SBNO2: variants seen among roughly 807,000 people sequenced by gnomAD.
The protein encoded by SBNO2 is protein strawberry notch homolog 2.
A neutral mutation model predicts 146.3 loss-of-function variants in SBNO2; 89 were observed. The observed-to-expected ratio is 0.61, with a 90% CI of 0.51 to 0.73. The LOEUF (loss-of-function observed/expected upper bound fraction) is 0.73, where lower values mean the gene tolerates loss of function less well. Ranked by LOEUF, SBNO2 falls within the 30% of genes least tolerant of loss-of-function variation. The pLI is 0.00. For missense variants in SBNO2, 2,092 were observed against 2,003.7 expected, an observed-to-expected ratio of 1.04 and a Z score of -0.84; for synonymous variants, 1,147 against 892.6, an observed-to-expected ratio of 1.29 and a Z score of -5.08.
At chr19:1,123,742 G>C in intron 6 of SBNO2, 103 bp from the exon 7 acceptor site, 5 of 1,235,662 alleles carry the variant, frequency 4.0e-6, no homozygotes, top group Non-Finnish European at 5.7e-6. Flanking sequence ...GCAGCTGAGT[G>C]ACCCAGGGGT....
chr19:1,122,606 C>CCCCCA, intron 9 of SBNO2, 48 bp from the exon 10 acceptor site: 1 of 1,460,346 alleles, frequency 6.8e-7, no homozygotes, highest in Non-Finnish European at 9.1e-7. Flanking sequence ...CCTCGCCCCC[C>CCCCCA]GCTTCCGCCC....
In SBNO2 at chr19:1,108,786, C is replaced by G; in HGVS notation, c.3609G>C (p.Lys1203Asn). 6.2e-7 allele frequency: 1 copy of G among 1,602,780 alleles called. No homozygotes were observed. The highest frequency in any genetic ancestry group is 8.5e-7 in the Non-Finnish European group (1 of 1,178,886). ...CGCCCGCCGCCCACTCACCCACTTGCTTCTTCCTGTCCTTGGTCTTCAGCC... is the reference window on the plus strand; with the variant it reads ...CGCCCGCCGCCCACTCACCCACTTGGTTCTTCCTGTCCTTGGTCTTCAGCC... ...IVRLKTKDRKKQVGIKIPEGC... is the reference protein window; with the variant it reads ...IVRLKTKDRKNQVGIKIPEGC... Residue 1203 changes from lysine (K) to asparagine (N), a missense_variant, in exon 31 of 32, where the codon AAG becomes AAC. Coordinates refer to ENST00000361757, the MANE Select transcript of SBNO2 (RefSeq NM_014963.3).
At chr19:1,167,862 T>C (rs1310534664) in intron 1 of SBNO2, among the ~76,000 whole-genome samples, 1 of 152,148 alleles carries the variant, frequency 6.6e-6, no homozygotes, top group African/African-American at 2.4e-5. Context: ...AGCCGGCCAC[T>C]GAGTACGGGA....
chr19:1,111,628 G>T lies in SBNO2; in HGVS notation c.2701-14C>A, dbSNP rs763109163. On this transcript the variant is annotated splice_polypyrimidine_tract_variant and intron_variant, in intron 23 of 31. Transcript: ENST00000361757. The stretch of plus-strand genomic sequence containing the variant: ...CCGGGTGCCATACTAGGGGGAGAAG[G>T]TGACTCGGGGAGGAGGCCCAGGGAG... 2 of 1,559,294 alleles carry T rather than the reference G, an allele frequency of 1.3e-6. 1 individual carries two copies. The highest frequency in any genetic ancestry group is 3.8e-5 in the Admixed American group (2 of 52,922).
At chr19:1,160,131 G>C (rs536000246) in intron 1 of SBNO2, among the ~76,000 whole-genome samples, 1 of 152,286 alleles carries the variant, frequency 6.6e-6, no homozygotes, top group Non-Finnish European at 1.5e-5. Flanking sequence ...GGCAGCTTGC[G>C]CCTGGCACCT....
chr19:1,133,691 G>A (rs182542377), intron 4 of SBNO2, among the ~76,000 whole-genome samples: 1 of 151,828 alleles, frequency 6.6e-6, no homozygotes, highest in Non-Finnish European at 1.5e-5. Flanking sequence ...CCACGGAGCC[G>A]CTCAATCCGG....
At position 1,157,886 on chromosome 19, in the gene SBNO2, A is replaced by G. The variant is rs868811294; in HGVS notation, c.-126-3484T>C. On this transcript the variant is annotated intron_variant, in intron 1 of 31. Transcript: ENST00000361757. This position sits in a 1 kb window ranked among gnomAD's most constrained non-coding sequence, Gnocchi z 6.8. ...GTCCGGGTAACTGCATCTGCCTCCC[A>G]GCTCTCTCTCCTGAGTCCGGATAAC... 9.7e-5 allele frequency among the ~76,000 whole-genome samples: 12 copies of G among 123,632 alleles called. No individual in the cohort carries two copies. Among genetic ancestry groups the G allele is most frequent in the Non-Finnish European group, 1.7e-4 (9 of 54,400 alleles). The allele number at this position is 123,632 out of a possible 152,430, so 81.1% of individuals were successfully genotyped here.
rs560365421 is a variant in SBNO2 at position 1,123,147 on chromosome 19, C to T, written c.629-102G>A. 3.8e-4 allele frequency: 520 copies of T among 1,382,338 alleles called. 3 individuals carry two copies. The highest frequency in any genetic ancestry group is 3.3e-3 in the Middle Eastern group (13 of 3,990). 85.6% of individuals were successfully genotyped at this position (1,382,338 alleles called of 1,614,324 possible). A position where few individuals can be genotyped will look rare whatever the true frequency, so the allele number is the denominator to read the frequency against. On this transcript the variant is annotated intron_variant, in intron 7 of 31. Coordinates refer to ENST00000361757, the MANE Select transcript of SBNO2 (RefSeq NM_014963.3). ...GGGTCTGGGGCGTGGCCAGAGCTGG[C>T]GGGGCAGTTTGGGGGCGTGGCCAGG...
At chr19:1,149,984 G>T (rs931342961) in intron 2 of SBNO2, among the ~76,000 whole-genome samples, 2 of 152,194 alleles carry the variant, frequency 1.3e-5, no homozygotes, top group East Asian at 3.9e-4. Context: ...GCTGCGGGAC[G>T]GGGCCCTGAC....
rs1176773695 is a variant in SBNO2 at position 1,109,750 on chromosome 19, T to C, written c.3056A>G (p.Tyr1019Cys). 3 of 1,541,754 alleles carry C rather than the reference T, an allele frequency of 1.9e-6. No homozygotes were observed. Among genetic ancestry groups the C allele is most frequent in the Non-Finnish European group, 2.6e-6 (3 of 1,137,242 alleles). Residue 1019 changes from tyrosine (Y) to cysteine (C), a missense_variant, in exon 27 of 32, where the codon TAC becomes TGC. Tyr to Cys is a radical substitution (Grantham distance 194). Coordinates refer to ENST00000361757, the MANE Select transcript of SBNO2 (RefSeq NM_014963.3). The surrounding 1 kb of genome is among the most constrained non-coding windows in gnomAD (Gnocchi z 4.2). ...CAGGAACACCTGCTGGCTCTCCTCG[T>C]AGATCTCCTCGATACCGGGAGCAAG... ...LDLAPGIEEI[Y>C]EESQQVFLAP...
chr19:1,168,564 T>A (rs866563866), intron 1 of SBNO2: 1 of 152,278 alleles, frequency 6.6e-6, no homozygotes, highest in Non-Finnish European at 1.5e-5. Context: ...CCACGAAGCC[T>A]GGCCCTCTCA....
intron 18 of SBNO2, among the ~76,000 whole-genome samples, 199 bp downstream of exon 18, chr19:1,114,032 G>C (rs2079801127): frequency 6.6e-6 from 1 of 152,200 alleles, no homozygotes; most frequent in Admixed American, 6.5e-5. Context: ...CTGGGCCTCA[G>C]TTTCCCCCAT....
chr19:1,131,051 A>C (rs550188371), intron 4 of SBNO2, among the ~76,000 whole-genome samples: 90 of 152,214 alleles, frequency 5.9e-4, no homozygotes, highest in African/African-American at 2.0e-3. Context: ...AGCTCCCCCC[A>C]CAGTGGCTCC....
intron 4 of SBNO2, among the ~76,000 whole-genome samples, chr19:1,133,557 CCCCTTGCCACGA>C (rs1295696844): frequency 1.3e-5 from 2 of 152,240 alleles, no homozygotes; most frequent in Non-Finnish European, 2.9e-5. Context: ...GTCGCCCACA[CCCCTTGCCACGA>C]CCCATCACCT....
intron 4 of SBNO2, among the ~76,000 whole-genome samples, chr19:1,142,754 G>A (rs759800450): frequency 3.3e-5 from 5 of 152,040 alleles, no homozygotes; most frequent in African/African-American, 4.8e-5. Context: ...ATCACCTGAG[G>A]TCAGGAGTTC....
chr19:1,160,890 GA>G (rs1013669121), intron 1 of SBNO2, among the ~76,000 whole-genome samples: 1 of 151,584 alleles, frequency 6.6e-6, no homozygotes, highest in Non-Finnish European at 1.5e-5. Context: ...TGTGGCCAGG[GA>G]AACCTGTGGG....
chr19:1,119,674 C>T (rs1414566345), intron 12 of SBNO2, 53 bp from the exon 13 acceptor site: 50 of 1,450,186 alleles, frequency 3.4e-5, no homozygotes, highest in South Asian at 3.1e-4. Context: ...CCAGAGGCCG[C>T]GTCAGGGGAC....
chr19:1,116,510 C>G (rs1464946070), intron 16 of SBNO2, among the ~76,000 whole-genome samples: 3 of 152,100 alleles, frequency 2.0e-5, no homozygotes, highest in Non-Finnish European at 4.4e-5. Flanking sequence ...GGGCTTCAGA[C>G]AGCTGGGAGG....
chr19:1,160,877 G>A (rs2080336952), intron 1 of SBNO2, among the ~76,000 whole-genome samples: 1 of 151,716 alleles, frequency 6.6e-6, no homozygotes, highest in African/African-American at 2.4e-5. Flanking sequence ...TAACTCACTA[G>A]ACTGTGGCCA....
Sources: allele counts gnomAD v4.1 joint callset (sites outside exome capture counted in the v4.1 genomes callset), GRCh38; gene constraint gnomAD v4.1.1; non-coding constraint Gnocchi (gnomAD v3.1); transcripts MANE v1.5; gene names NCBI Gene and HGNC (gene_info 2026-07-23, HGNC 2026-07-21).